The following SGCZ variants were observed in gnomAD, a reference collection of about 807,000 sequenced individuals.
SGCZ encodes the protein sarcoglycan zeta.
In SGCZ, 40 loss-of-function variants were observed where a neutral mutation model predicts 41.3. The observed-to-expected ratio is 0.97, with a 90% CI of 0.75 to 1.26. The LOEUF is 1.26. Ranked by LOEUF, SGCZ falls within the 50% of genes most tolerant of loss-of-function variation. The pLI, the probability that SGCZ is intolerant of heterozygous loss-of-function variation, is 0.00. For missense variants in SGCZ, 552 were observed against 369.8 expected (o/e 1.49, Z -4.04); for synonymous variants, 206 against 137.5 (o/e 1.50, Z -3.49).
At chr8:15,066,180 C>T (rs1351211945) in intron 1 of SGCZ, among the ~76,000 whole-genome samples, 1 of 151,780 alleles carries the variant, frequency 6.6e-6, no homozygotes, top group Non-Finnish European at 1.5e-5. Context: ...CGGTGGCGGG[C>T]GCCTGTAGTC....
intron 1 of SGCZ, among the ~76,000 whole-genome samples, chr8:15,108,041 T>C (rs947162047): frequency 7.2e-5 from 11 of 152,210 alleles, no homozygotes; most frequent in Non-Finnish European, 1.2e-4. Flanking sequence ...CTAATAGTTT[T>C]TGTTTTCTCC....
chr8:14,521,493 CT>C (rs1302305888), intron 2 of SGCZ, among the ~76,000 whole-genome samples: 1 of 152,034 alleles, frequency 6.6e-6, no homozygotes, highest in Non-Finnish European at 1.5e-5. Context: ...AGTTCATTCC[CT>C]TTTACTGCTG....
At chr8:15,156,932 G>A (rs1429245640) in intron 1 of SGCZ, among the ~76,000 whole-genome samples, 6 of 136,110 alleles carry the variant, frequency 4.4e-5, no homozygotes, top group African/African-American at 5.7e-5. Flanking sequence ...CAACAAGAGG[G>A]AAACTCTGTC....
chr8:14,360,727 A>G (rs1014540235), intron 2 of SGCZ, among the ~76,000 whole-genome samples: 2 of 152,116 alleles, frequency 1.3e-5, no homozygotes, highest in Admixed American at 1.3e-4. Flanking sequence ...AATTGTTTCT[A>G]GGTTTTAGCT....
chr8:14,305,703 C>T (rs551688915), intron 3 of SGCZ, among the ~76,000 whole-genome samples: 3 of 152,128 alleles, frequency 2.0e-5, no homozygotes, highest in Non-Finnish European at 4.4e-5. Flanking sequence ...TTTTTCCCAT[C>T]GCTGTATTTC....
At chr8:14,246,195 A>G (rs556534092) in intron 3 of SGCZ, among the ~76,000 whole-genome samples, 1 of 152,296 alleles carries the variant, frequency 6.6e-6, no homozygotes, top group African/African-American at 2.4e-5. Context: ...TTGGAACCAA[A>G]CCAAATGTCC....
intron 1 of SGCZ, among the ~76,000 whole-genome samples, chr8:14,772,809 C>T (rs370886352): frequency 1.3e-4 from 20 of 152,174 alleles, no homozygotes; most frequent in Non-Finnish European, 2.6e-4. Context: ...TGCCACATTT[C>T]CTTAATCCAG....
Position 15,013,188 on chromosome 8 carries a change from A to G in SGCZ, c.39+224397T>C, listed in dbSNP as rs1216644419. Among the ~76,000 whole-genome samples the G allele has an allele frequency of 5.3e-5, 8 of 152,300 alleles. No individual in the cohort carries two copies. In the East Asian group the frequency reaches 1.4e-3, roughly 26 times the overall value. Reference sequence around the variant, plus strand: ...ATTTGATTATTTGATGTACAGATATATATCCCATTTCTGAAATAAAAATCC... The same window carrying G: ...ATTTGATTATTTGATGTACAGATATGTATCCCATTTCTGAAATAAAAATCC... On this transcript the variant is annotated intron_variant, in intron 1 of 7. Coordinates refer to ENST00000382080, the MANE Select transcript of SGCZ (RefSeq NM_139167.4).
chr8:15,119,892 C>T (rs1563136495), intron 1 of SGCZ, among the ~76,000 whole-genome samples: 2 of 152,154 alleles, frequency 1.3e-5, no homozygotes, highest in Non-Finnish European at 2.9e-5. Flanking sequence ...GCATTGTGGC[C>T]TCGAACTCCT....
intron 2 of SGCZ, among the ~76,000 whole-genome samples, chr8:14,433,269 C>G (rs1563326136): frequency 6.6e-6 from 1 of 152,128 alleles, no homozygotes; most frequent in Admixed American, 6.5e-5. Context: ...AACATTTAAA[C>G]AATACAATTG....
At chr8:14,783,356 C>A (rs989523409) in intron 1 of SGCZ, among the ~76,000 whole-genome samples, 4 of 151,728 alleles carry the variant, frequency 2.6e-5, no homozygotes, top group East Asian at 1.9e-4. Flanking sequence ...ATCACTTGAA[C>A]CCGGTAGGTG....
chr8:14,602,074 T>C (rs763822205), intron 1 of SGCZ, among the ~76,000 whole-genome samples: 30 of 151,920 alleles, frequency 2.0e-4, no homozygotes, highest in Admixed American at 7.9e-4. Context: ...GAGCCGAGAT[T>C]GCGCCACTGC....
chr8:15,171,476 A>G (rs1480354924), intron 1 of SGCZ, among the ~76,000 whole-genome samples: 1 of 152,214 alleles, frequency 6.6e-6, no homozygotes, highest in Non-Finnish European at 1.5e-5. Context: ...ACCCACTGAA[A>G]GGACACCAGC....
At chr8:14,288,713 T>C (rs1179988686) in intron 3 of SGCZ, among the ~76,000 whole-genome samples, 3 of 152,208 alleles carry the variant, frequency 2.0e-5, no homozygotes, top group Non-Finnish European at 2.9e-5. Context: ...TTCTACATTT[T>C]GGTCAATGTA....
intron 1 of SGCZ, among the ~76,000 whole-genome samples, chr8:14,718,407 A>G (rs1439799542): frequency 6.6e-6 from 1 of 152,128 alleles, no homozygotes; most frequent in South Asian, 2.1e-4. Flanking sequence ...AATATTATCT[A>G]TATACGACTA....
intron 1 of SGCZ, among the ~76,000 whole-genome samples, chr8:14,979,710 A>T (rs879820214): frequency 2.6e-5 from 4 of 152,164 alleles, no homozygotes; most frequent in African/African-American, 9.6e-5. Context: ...AATATTCTAC[A>T]CTAAAAAAGT....
At chr8:14,714,759 T>A (rs1253536374) in intron 1 of SGCZ, among the ~76,000 whole-genome samples, 2 of 152,130 alleles carry the variant, frequency 1.3e-5, no homozygotes, top group African/African-American at 2.4e-5. Flanking sequence ...AAGCAAGTGG[T>A]AAGCAGCTAT....
chr8:14,311,882 G>C (rs529220715), intron 3 of SGCZ, among the ~76,000 whole-genome samples: 2 of 152,182 alleles, frequency 1.3e-5, no homozygotes, highest in East Asian at 3.9e-4. Context: ...GTTGTATGAA[G>C]TGATCAAAAC....
intron 2 of SGCZ, among the ~76,000 whole-genome samples, chr8:14,476,184 T>G (rs1801354265): frequency 6.6e-6 from 1 of 152,152 alleles, no homozygotes; most frequent in African/African-American, 2.4e-5. Context: ...TGTGAGAGTG[T>G]TTCTGTATTA....
Sources: allele counts gnomAD v4.1 joint callset (sites outside exome capture counted in the v4.1 genomes callset), GRCh38; gene constraint gnomAD v4.1.1; transcripts MANE v1.5; gene names NCBI Gene and HGNC (gene_info 2026-07-23, HGNC 2026-07-21).